BASP1: variants seen among roughly 807,000 people sequenced by gnomAD.
The protein encoded by BASP1 is brain acid soluble protein 1.
BASP1 carries 1 observed loss-of-function variant against 2.2 expected under a neutral mutation model. The ratio of observed to expected loss-of-function variants is 0.46; its 90% CI spans 0.16 to 2.17. The LOEUF (loss-of-function observed/expected upper bound fraction) is 2.17, where lower values mean the gene tolerates loss of function less well. Ranked by LOEUF, BASP1 falls within the 30% of genes most tolerant of loss-of-function variation. The pLI, the probability that BASP1 is intolerant of heterozygous loss-of-function variation, is 0.27. For missense variants in BASP1, 352 were observed against 327.2 expected, an observed-to-expected ratio of 1.08 and a Z score of -0.58; for synonymous variants, 187 against 154.2, an observed-to-expected ratio of 1.21 and a Z score of -1.58.
chr5:17,275,834 A>C lies in BASP1; in HGVS notation c.618A>C (p.Ala206=). The change falls in exon 2 of 2, where the codon GCA becomes GCC. Residue 206 remains alanine (A), a synonymous_variant. Transcript: ENST00000322611. The surrounding 1 kb of genome is among the most constrained non-coding windows in gnomAD (Gnocchi z 5.3). ...TPKAQGPAAS[A]EEPKPVEAPA... is the part of the protein sequence containing the mutation. ...AGGCCCAGGGCCCCGCAGCCTCTGC[A>C]GAAGAGCCCAAGCCGGTGGAGGCCC... 6.2e-7 allele frequency: 1 copy of C among 1,610,826 alleles called. No individual in the cohort carries two copies. Among genetic ancestry groups the C allele is most frequent in the African/African-American group, 1.3e-5 (1 of 74,898 alleles).
intron 1 of BASP1, among the ~76,000 whole-genome samples, chr5:17,232,677 C>T (rs1381341422): frequency 6.6e-6 from 1 of 152,134 alleles, no homozygotes; most frequent in African/African-American, 2.4e-5. Flanking sequence ...CAGGAACCAG[C>T]TTGTAACGAA....
intron 1 of BASP1, among the ~76,000 whole-genome samples, chr5:17,232,618 G>A (rs1285894402): frequency 1.3e-5 from 2 of 152,194 alleles, no homozygotes; most frequent in East Asian, 1.9e-4. Context: ...GTGACATCAT[G>A]CTGTGCAAAT....
At chr5:17,269,770 A>G (rs1579503488) in intron 1 of BASP1, among the ~76,000 whole-genome samples, 2 of 152,226 alleles carry the variant, frequency 1.3e-5, no homozygotes, top group African/African-American at 4.8e-5. Flanking sequence ...ACAAAATGAC[A>G]TTTGACAATG....
At chr5:17,250,270 C>A (rs1740075250) in intron 1 of BASP1, among the ~76,000 whole-genome samples, 1 of 152,092 alleles carries the variant, frequency 6.6e-6, no homozygotes, top group South Asian at 2.1e-4. Flanking sequence ...GGGGCATATT[C>A]CACTTGACTT....
At chr5:17,232,830 G>A (rs1171646195) in intron 1 of BASP1, among the ~76,000 whole-genome samples, 2 of 151,750 alleles carry the variant, frequency 1.3e-5, no homozygotes, top group African/African-American at 4.8e-5. Flanking sequence ...TTCACCTTCT[G>A]CTGTCTCATT....
At chr5:17,272,250 C>A (rs989530845) in intron 1 of BASP1, among the ~76,000 whole-genome samples, 1 of 151,966 alleles carries the variant, frequency 6.6e-6, no homozygotes, top group Non-Finnish European at 1.5e-5. Flanking sequence ...TCTGAACTAC[C>A]CCAGGTGGCA....
chr5:17,233,974 C>A (rs1471923585), intron 1 of BASP1, among the ~76,000 whole-genome samples: 1 of 151,820 alleles, frequency 6.6e-6, no homozygotes, highest in Non-Finnish European at 1.5e-5. Context: ...ACTAAAAATA[C>A]AAAAAAATTA....
rs1740101878 is a variant in BASP1, at chr5:17,251,512, G to A, written c.-9-23696G>A. Among the ~76,000 whole-genome samples the A allele has an allele frequency of 6.6e-6, 1 of 152,186 alleles. No homozygotes were observed. Among genetic ancestry groups the A allele is most frequent in the East Asian group, 1.9e-4 (1 of 5,196 alleles). ...CCACAGTGTTGGTTTCTGTGGAAGG[G>A]TCCAAACAGCGGCTGGAGCTCCAAC... On this transcript the variant is annotated intron_variant, in intron 1 of 1. Coordinates refer to ENST00000322611, the MANE Select transcript of BASP1 (RefSeq NM_006317.5). This position sits in a 1 kb window ranked among gnomAD's most constrained non-coding sequence, Gnocchi z 4.0.
At chr5:17,249,295 G>C (rs1233990204) in intron 1 of BASP1, among the ~76,000 whole-genome samples, 3 of 152,124 alleles carry the variant, frequency 2.0e-5, no homozygotes, top group Non-Finnish European at 4.4e-5. Context: ...AGCAAATTTG[G>C]TCAAAACAAG....
chr5:17,275,610 A>G lies in BASP1; in HGVS notation c.394A>G (p.Ser132Gly). ...TGAGGCCGCCGCGGCCCCGGCCGAG[A>G]GCGCGGCCCCTGCCGCCGGGGAGGA... ...AAEAAAAPAE[S>G]AAPAAGEEPS... The change falls in exon 2 of 2, where the codon AGC becomes GGC. Residue 132 changes from serine to glycine, a missense_variant. Coordinates refer to ENST00000322611, the MANE Select transcript of BASP1 (RefSeq NM_006317.5). The surrounding 1 kb of genome is among the most constrained non-coding windows in gnomAD (Gnocchi z 5.3). 1.4e-6 allele frequency: 2 copies of G among 1,430,814 alleles called. No individual in the cohort carries two copies. Among genetic ancestry groups the G allele is most frequent in the South Asian group, 1.5e-5 (1 of 67,614 alleles). The allele number at this position is 1,430,814 out of a possible 1,614,324, so 88.6% of individuals were successfully genotyped here. A position where few individuals can be genotyped will look rare whatever the true frequency, so the allele number is the denominator to read the frequency against.
At chr5:17,268,224 T>C (rs1423746505) in intron 1 of BASP1, among the ~76,000 whole-genome samples, 1 of 152,200 alleles carries the variant, frequency 6.6e-6, no homozygotes, top group Non-Finnish European at 1.5e-5. Context: ...TTTAGCAAAC[T>C]TCATACTGAG....
rs954315064 is a variant in BASP1, at chr5:17,260,438, A to G, written c.-9-14770A>G. Among the ~76,000 whole-genome samples the G allele has an allele frequency of 2.0e-5, 3 of 152,178 alleles. No homozygotes were observed. The highest frequency in any genetic ancestry group is 4.4e-5 in the Non-Finnish European group (3 of 68,034). The stretch of plus-strand genomic sequence containing the variant: ...GCACATAGTAACAAAAGAAAAAAAA[A>G]TCTTGACAATATCATTGTAGTGATT... On this transcript the variant is annotated intron_variant, in intron 1 of 1. Transcript: ENST00000322611. The surrounding 1 kb of genome is among the most constrained non-coding windows in gnomAD (Gnocchi z 4.2).
At chr5:17,222,863 T>C (rs1739418228) in intron 1 of BASP1, among the ~76,000 whole-genome samples, 1 of 152,178 alleles carries the variant, frequency 6.6e-6, no homozygotes, top group Non-Finnish European at 1.5e-5. Context: ...AATACATTCC[T>C]GAAAGCTTTA....
rs1001642566 is a variant in BASP1, at chr5:17,275,963, C to A, written c.*63C>A. 5.2e-6 allele frequency: 7 copies of A among 1,336,698 alleles called. No individual in the cohort carries two copies. Among genetic ancestry groups the A allele is most frequent in the Admixed American group, 2.8e-5 (1 of 35,534 alleles). The allele number at this position is 1,336,698 out of a possible 1,614,324, so 82.8% of individuals were successfully genotyped here. A position where few individuals can be genotyped will look rare whatever the true frequency, so the allele number is the denominator to read the frequency against. ...CAATCTCCTCTCTCTCTCTCTCTCTCTCTCTCTATCTCTCTCTCTATCTCC... is the reference window on the plus strand; with the variant it reads ...CAATCTCCTCTCTCTCTCTCTCTCTATCTCTCTATCTCTCTCTCTATCTCC... On this transcript the variant is annotated 3_prime_UTR_variant, in exon 2 of 2. Coordinates refer to ENST00000322611, the MANE Select transcript of BASP1 (RefSeq NM_006317.5). The surrounding 1 kb of genome is among the most constrained non-coding windows in gnomAD (Gnocchi z 5.3).
At chr5:17,221,922 A>G (rs1297284047) in intron 1 of BASP1, among the ~76,000 whole-genome samples, 1 of 152,160 alleles carries the variant, frequency 6.6e-6, no homozygotes, top group East Asian at 1.9e-4. Context: ...AATAAGAACT[A>G]CATATGATAT....
At chr5:17,245,026 G>A (rs541780473) in intron 1 of BASP1, among the ~76,000 whole-genome samples, 4 of 150,948 alleles carry the variant, frequency 2.6e-5, no homozygotes, top group East Asian at 2.0e-4. Flanking sequence ...GTGTTGAGCC[G>A]GGTGCAGTGG....
At chr5:17,254,809 C>T (rs1740169701) in intron 1 of BASP1, among the ~76,000 whole-genome samples, 1 of 151,998 alleles carries the variant, frequency 6.6e-6, no homozygotes, top group Non-Finnish European at 1.5e-5. Context: ...CAAAGAGGCC[C>T]AATATAAAAA....
At chr5:17,257,565 C>T (rs973627395) in intron 1 of BASP1, among the ~76,000 whole-genome samples, 2 of 152,158 alleles carry the variant, frequency 1.3e-5, no homozygotes, top group Non-Finnish European at 2.9e-5. Context: ...ATGCTAACAA[C>T]CACCTCCCCT....
intron 1 of BASP1, among the ~76,000 whole-genome samples, chr5:17,264,275 T>C (rs1443347148): frequency 6.6e-6 from 1 of 152,242 alleles, no homozygotes; most frequent in African/African-American, 2.4e-5. Context: ...TTCTTTTCTT[T>C]ATATAAAAAA....
Sources: allele counts gnomAD v4.1 joint callset (sites outside exome capture counted in the v4.1 genomes callset), GRCh38; gene constraint gnomAD v4.1.1; non-coding constraint Gnocchi (gnomAD v3.1); transcripts MANE v1.5; gene names NCBI Gene and HGNC (gene_info 2026-07-23, HGNC 2026-07-21).